FBXL7: variants seen among roughly 807,000 people sequenced by gnomAD.
FBXL7 encodes the protein F-box and leucine rich repeat protein 7.
A neutral mutation model predicts 38.3 loss-of-function variants in FBXL7; 12 were observed. That is an observed-to-expected ratio of 0.31 (90% CI 0.20 to 0.51). The LOEUF (loss-of-function observed/expected upper bound fraction) is 0.51. FBXL7 is among the 20% of genes least tolerant of loss of function. The pLI is 0.98. For synonymous variants in FBXL7, 297 were observed against 300.9 expected, an observed-to-expected ratio of 0.99 and a Z score of 0.13; for missense variants, 567 against 676.4, an observed-to-expected ratio of 0.84 and a Z score of 1.79.
intron 2 of FBXL7, among the ~76,000 whole-genome samples, chr5:15,912,376 CT>C (rs1410949288): frequency 7.2e-6 from 1 of 138,956 alleles, no homozygotes; most frequent in Non-Finnish European, 1.5e-5. Context: ...CCTCGCCCTG[CT>C]TCGGCTCGCG....
intron 2 of FBXL7, among the ~76,000 whole-genome samples, chr5:15,884,184 G>C (rs1740578479): frequency 6.6e-6 from 1 of 152,232 alleles, no homozygotes; most frequent in South Asian, 2.1e-4. Flanking sequence ...GAGAGAAGGA[G>C]AGAAAGAGTG....
chr5:15,684,823 C>A (rs1009983687), intron 2 of FBXL7, among the ~76,000 whole-genome samples: 1 of 152,332 alleles, frequency 6.6e-6, no homozygotes, highest in South Asian at 2.1e-4. Context: ...GAAATGGATT[C>A]TCTGCTAGAG....
chr5:15,891,023 T>C (rs909955020), intron 2 of FBXL7, among the ~76,000 whole-genome samples: 3 of 152,212 alleles, frequency 2.0e-5, no homozygotes, highest in Non-Finnish European at 4.4e-5. Flanking sequence ...GGCCATATTA[T>C]CCTTAGTGTT....
chr5:15,785,825 T>C (rs915644537), intron 2 of FBXL7, among the ~76,000 whole-genome samples: 3 of 152,246 alleles, frequency 2.0e-5, no homozygotes, highest in Non-Finnish European at 4.4e-5. Flanking sequence ...TTCAGTTGCA[T>C]CTGGCACGCA....
chr5:15,856,861 T>G (rs899227596), intron 2 of FBXL7, among the ~76,000 whole-genome samples: 3 of 152,204 alleles, frequency 2.0e-5, no homozygotes, highest in Non-Finnish European at 4.4e-5. Context: ...TAAAGTAGCA[T>G]TATCTGTCAT....
intron 2 of FBXL7, among the ~76,000 whole-genome samples, chr5:15,785,697 C>T (rs773376841): frequency 6.6e-5 from 10 of 152,296 alleles, no homozygotes; most frequent in South Asian, 2.1e-4. Context: ...CCATTAGAAA[C>T]GGAGATGAAC....
At position 15,903,245 on chromosome 5, in the gene FBXL7, CAAAT is replaced by C. The variant is rs201615589; in HGVS notation, c.128-24640_128-24637del. ...CAACTCTTTCACTGAAGGATTCTGA[CAAAT>C]AAATCCTGCCTACCTGGAGTTCACT... On this transcript the variant is annotated intron_variant, in intron 2 of 3. Coordinates refer to ENST00000504595, the MANE Select transcript of FBXL7 (RefSeq NM_012304.5). Among the ~76,000 whole-genome samples the C allele has an allele frequency of 6.7e-3, 1,013 of 152,296 alleles. 18 individuals are homozygous for C. Among genetic ancestry groups the C allele is most frequent in the African/African-American group, 0.023 (961 of 41,556 alleles).
chr5:15,883,671 AT>A (rs1436566817), intron 2 of FBXL7, among the ~76,000 whole-genome samples: 2 of 152,178 alleles, frequency 1.3e-5, no homozygotes, highest in African/African-American at 4.8e-5. Flanking sequence ...TGCCAGTTTT[AT>A]TGATCACTCA....
chr5:15,698,973 A>G (rs12515169), intron 2 of FBXL7, among the ~76,000 whole-genome samples: 8,269 of 152,216 alleles, frequency 0.054, 247 homozygotes, highest in East Asian at 0.09. Context: ...GAACTCAGGA[A>G]CTTGTCTTTC....
At chr5:15,653,490 G>A (rs1561071035) in intron 2 of FBXL7, among the ~76,000 whole-genome samples, 1 of 152,134 alleles carries the variant, frequency 6.6e-6, no homozygotes, top group Non-Finnish European at 1.5e-5. Flanking sequence ...ACTTGTCTGT[G>A]GGCCTGATTT....
At chr5:15,697,236 T>G (rs1198072565) in intron 2 of FBXL7, among the ~76,000 whole-genome samples, 1 of 152,106 alleles carries the variant, frequency 6.6e-6, no homozygotes, top group Non-Finnish European at 1.5e-5. Context: ...CCTCTCTGGT[T>G]AGGTGAAGAT....
Position 15,937,472 on chromosome 5 carries a change from C to A in FBXL7, c.*286C>A. On this transcript the variant is annotated 3_prime_UTR_variant, in exon 4 of 4. Transcript: ENST00000504595. ...GCTGATCGCTGTTCCTTGAGCAAGG[C>A]GCTTACTCTCCTCCGCTCAGGCCCC... 1 of 356,440 alleles carries A rather than the reference C, an allele frequency of 2.8e-6. No homozygotes were observed. Among genetic ancestry groups the A allele is most frequent in the Non-Finnish European group, 5.1e-6 (1 of 195,218 alleles). The allele number at this position is 356,440 out of a possible 1,614,324, so 22.1% of individuals were successfully genotyped here. A position where few individuals can be genotyped will look rare whatever the true frequency, so the allele number is the denominator to read the frequency against.
At chr5:15,591,311 C>T (rs1272352195) in intron 1 of FBXL7, among the ~76,000 whole-genome samples, 2 of 151,882 alleles carry the variant, frequency 1.3e-5, no homozygotes, top group Admixed American at 6.6e-5. Context: ...CGCCTGTAGT[C>T]CCAGCTACTC....
intron 2 of FBXL7, among the ~76,000 whole-genome samples, chr5:15,772,287 G>T (rs112858883): frequency 0.027 from 4,119 of 152,198 alleles, 78 homozygotes; most frequent in Non-Finnish European, 0.045. Context: ...ACAGGTGCTC[G>T]CATCCCTCAT....
At chr5:15,615,781 TA>T (rs1164368296) in intron 1 of FBXL7, among the ~76,000 whole-genome samples, 2 of 152,222 alleles carry the variant, frequency 1.3e-5, no homozygotes, top group Non-Finnish European at 2.9e-5. Context: ...AAGAAGACTT[TA>T]GTTCTCCTAT....
rs1406212838 is a variant in FBXL7 at position 15,634,320 on chromosome 5, T to C, written c.127+18248T>C. On this transcript the variant is annotated intron_variant, in intron 2 of 3. Coordinates refer to ENST00000504595, the MANE Select transcript of FBXL7 (RefSeq NM_012304.5). ...AACTTTATATGTTCGTTTCTTTTTTTTTTTTTTTTTTTTTTTTAAAAGACA... is the reference window on the plus strand; with the variant it reads ...AACTTTATATGTTCGTTTCTTTTTTCTTTTTTTTTTTTTTTTTAAAAGACA... Among the ~76,000 whole-genome samples, 61 of 144,202 alleles carry C rather than the reference T, an allele frequency of 4.2e-4. 1 individual carries two copies. The highest frequency in any genetic ancestry group is 6.5e-4 in the South Asian group (3 of 4,614). The allele number at this position is 144,202 out of a possible 152,430, so 94.6% of individuals were successfully genotyped here.
chr5:15,697,706 G>C (rs1476316399), intron 2 of FBXL7, among the ~76,000 whole-genome samples: 1 of 152,112 alleles, frequency 6.6e-6, no homozygotes, highest in Non-Finnish European at 1.5e-5. Context: ...GAACTCATTT[G>C]CTTCTCTCTT....
At chr5:15,778,236 C>G (rs1182989295) in intron 2 of FBXL7, among the ~76,000 whole-genome samples, 2 of 151,942 alleles carry the variant, frequency 1.3e-5, no homozygotes, top group Non-Finnish European at 2.9e-5. Context: ...TTGAACTCCC[C>G]CTTTCAAATA....
At chr5:15,584,983 C>T (rs1476806807) in intron 1 of FBXL7, among the ~76,000 whole-genome samples, 1 of 152,190 alleles carries the variant, frequency 6.6e-6, no homozygotes, top group Admixed American at 6.5e-5. Flanking sequence ...AACACAGGTG[C>T]AGCAAAGCTT....
Sources: allele counts gnomAD v4.1 joint callset (sites outside exome capture counted in the v4.1 genomes callset), GRCh38; gene constraint gnomAD v4.1.1; transcripts MANE v1.5; gene names NCBI Gene and HGNC (gene_info 2026-07-23, HGNC 2026-07-21).